The following KCNQ5 variants were observed in gnomAD, a reference collection of about 807,000 sequenced individuals.
The protein encoded by KCNQ5 is potassium voltage-gated channel subfamily Q member 5.
Under a neutral mutation model 98.2 loss-of-function variants are expected in KCNQ5, and 30 were observed. The ratio of observed to expected loss-of-function variants is 0.31; its 90% confidence interval spans 0.23 to 0.41. The LOEUF (loss-of-function observed/expected upper bound fraction) is 0.41, where lower values mean the gene tolerates loss of function less well. KCNQ5 is among the 10% of genes least tolerant of loss of function. The pLI, the probability that KCNQ5 is intolerant of heterozygous loss-of-function variation, is 1.00. For missense variants in KCNQ5, 835 were observed against 1,182.5 expected, an observed-to-expected ratio of 0.71 and a Z score of 4.31; for synonymous variants, 458 against 449.4, an observed-to-expected ratio of 1.02 and a Z score of -0.24.
chr6:73,101,057 A>G (rs975441901), intron 5 of KCNQ5, among the ~76,000 whole-genome samples: 13 of 152,192 alleles, frequency 8.5e-5, no homozygotes, highest in African/African-American at 2.9e-4. Flanking sequence ...CTACCAAACA[A>G]TGAAAGAAGA....
intron 1 of KCNQ5, among the ~76,000 whole-genome samples, chr6:72,692,946 A>C (rs1196133413): frequency 6.6e-6 from 1 of 152,196 alleles, no homozygotes; most frequent in African/African-American, 2.4e-5. Context: ...ACATTTTTCA[A>C]AAAGGAATGA....
chr6:73,171,377 A>C (rs1172239334), intron 11 of KCNQ5, among the ~76,000 whole-genome samples: 1 of 152,176 alleles, frequency 6.6e-6, no homozygotes, highest in Non-Finnish European at 1.5e-5. Flanking sequence ...AGTTTGGACA[A>C]TCAATTATAT....
chr6:72,749,154 G>A (rs1771554141), intron 1 of KCNQ5, among the ~76,000 whole-genome samples: 1 of 152,088 alleles, frequency 6.6e-6, no homozygotes, highest in South Asian at 2.1e-4. Context: ...ACAATTCTGA[G>A]AAGTTTGAAT....
chr6:72,951,168 T>A lies in KCNQ5; in HGVS notation c.399-52740T>A, dbSNP rs571361353. On this transcript the variant is annotated intron_variant, in intron 1 of 13. Transcript: ENST00000370398. Reference sequence around the variant, plus strand: ...GTCCCAATGATCAGGATTTTCAACTTTCTTGTTCTTCTCAGATCCTCTCTT... The same window carrying A: ...GTCCCAATGATCAGGATTTTCAACTATCTTGTTCTTCTCAGATCCTCTCTT... Among the ~76,000 whole-genome samples, 4 of 152,326 alleles carry A rather than the reference T, an allele frequency of 2.6e-5. No individual in the cohort carries two copies. In the East Asian group the frequency reaches 7.7e-4, roughly 29 times the overall value.
At chr6:72,784,857 G>A (rs780600198) in intron 1 of KCNQ5, among the ~76,000 whole-genome samples, 2 of 152,172 alleles carry the variant, frequency 1.3e-5, no homozygotes, top group African/African-American at 2.4e-5. Context: ...TCTAGCCTCC[G>A]TGGTAGAGAT....
chr6:72,909,190 AG>A (rs1468631253), intron 1 of KCNQ5, among the ~76,000 whole-genome samples: 4 of 152,162 alleles, frequency 2.6e-5, no homozygotes. Flanking sequence ...TAAGGGGAAA[AG>A]TTATAGGTAA....
rs1289171215 is a variant in KCNQ5 at position 73,100,523 on chromosome 6, G to C, written c.919-4734G>C. On this transcript the variant is annotated intron_variant, in intron 5 of 13. Coordinates refer to ENST00000370398, the MANE Select transcript of KCNQ5 (RefSeq NM_019842.4). ...CTACTAAAAAATACAAAAAAAAATA[G>C]CTGGGCGTGGTGGCAGGCGCCTGTA... is the stretch of plus-strand genomic sequence containing the variant. 4.8e-4 allele frequency among the ~76,000 whole-genome samples: 69 copies of C among 144,998 alleles called. 1 individual carries two copies. The highest frequency in any genetic ancestry group is 4.7e-3 in the Admixed American group (68 of 14,516).
chr6:72,625,847 C>T (rs2098917771), intron 1 of KCNQ5, among the ~76,000 whole-genome samples: 1 of 152,182 alleles, frequency 6.6e-6, no homozygotes, highest in Non-Finnish European at 1.5e-5. Context: ...TTCTTTACCA[C>T]TTCTATTCCA....
intron 1 of KCNQ5, among the ~76,000 whole-genome samples, chr6:72,798,962 CAT>C (rs1174149976): frequency 6.6e-6 from 1 of 151,722 alleles, no homozygotes; most frequent in Non-Finnish European, 1.5e-5. Flanking sequence ...ATATATAAGA[CAT>C]ATAATTATGT....
chr6:73,111,053 A>T lies in KCNQ5; in HGVS notation c.1030-255A>T, dbSNP rs116671517. ...TGGTGCCTATGCTATACCACAAAAG[A>T]TAATAAATGACAATGCCTAATTGAC... is the stretch of plus-strand genomic sequence containing the variant. On this transcript the variant is annotated intron_variant, in intron 6 of 13. Coordinates refer to ENST00000370398, the MANE Select transcript of KCNQ5 (RefSeq NM_019842.4). 3.8e-3 allele frequency among the ~76,000 whole-genome samples: 572 copies of T among 152,340 alleles called. 6 individuals are homozygous for T. Among genetic ancestry groups the T allele is most frequent in the African/African-American group, 0.013 (545 of 41,578 alleles).
intron 1 of KCNQ5, among the ~76,000 whole-genome samples, chr6:72,795,686 T>C (rs1044349162): frequency 1.3e-5 from 2 of 152,144 alleles, no homozygotes; most frequent in African/African-American, 4.8e-5. Context: ...GCATTTGTTG[T>C]ATATCCCAAA....
chr6:72,730,942 C>T (rs552850508), intron 1 of KCNQ5, among the ~76,000 whole-genome samples: 6 of 126,994 alleles, frequency 4.7e-5, no homozygotes, highest in South Asian at 2.5e-4. Context: ...GAACATAGTA[C>T]GCATTTCTAT....
intron 10 of KCNQ5, among the ~76,000 whole-genome samples, chr6:73,160,723 G>GCTCCT: frequency 6.6e-6 from 1 of 152,220 alleles, no homozygotes; most frequent in Non-Finnish European, 1.5e-5. Context: ...CTCTGGCTGA[G>GCTCCT]GGAGACCAGG....
intron 10 of KCNQ5, among the ~76,000 whole-genome samples, chr6:73,146,626 C>CAAAAAAAAAAAAAAAAAAAAAAAAA (rs58798764): frequency 1.1e-4 from 3 of 28,468 alleles, no homozygotes; most frequent in East Asian, 1.5e-3. Flanking sequence ...GTCCCTGTCT[C>CAAAAAAAAAAAAAAAAAAAAAAAAA]AAAAAAAAAA....
At chr6:72,626,904 G>A (rs12175038) in intron 1 of KCNQ5, among the ~76,000 whole-genome samples, 60,789 of 152,030 alleles carry the variant, frequency 0.4, 13,067 homozygotes, top group Middle Eastern at 0.51. Context: ...TGAGGAAGAT[G>A]ATTCTGACTT....
chr6:73,077,592 C>A, intron 4 of KCNQ5, 95 bp downstream of exon 4: 1 of 1,399,512 alleles, frequency 7.1e-7, no homozygotes, highest in South Asian at 1.4e-5. Flanking sequence ...AAAACTTAGT[C>A]ATTGCAGAAA....
At chr6:73,034,708 T>G (rs1242353821) in intron 2 of KCNQ5, among the ~76,000 whole-genome samples, 1 of 152,206 alleles carries the variant, frequency 6.6e-6, no homozygotes, top group Non-Finnish European at 1.5e-5. Context: ...TCAATTAAAT[T>G]GAATCACAGT....
At chr6:73,099,118 T>C (rs568778024) in intron 5 of KCNQ5, among the ~76,000 whole-genome samples, 1 of 79,364 alleles carries the variant, frequency 1.3e-5, no homozygotes, top group South Asian at 9.9e-4. Flanking sequence ...TTTGCAAGCC[T>C]CATAGTAACC....
intron 1 of KCNQ5, among the ~76,000 whole-genome samples, chr6:72,722,971 T>A (rs1770053693): frequency 6.6e-6 from 1 of 151,472 alleles, no homozygotes; most frequent in African/African-American, 2.4e-5. Context: ...CGCCTCAGCT[T>A]CCCAAGCAGC....
Sources: gnomAD v4.1 joint callset for allele counts (sites outside exome capture counted in the v4.1 genomes callset) on GRCh38, gnomAD v4.1.1 for gene constraint, MANE v1.5 for transcripts, NCBI Gene and HGNC (gene_info 2026-07-23, HGNC 2026-07-21) for gene names.